Variants in DLGAP2 observed in about 807,000 individuals in gnomAD.
The protein encoded by DLGAP2 is DLG associated protein 2, also known as disks large-associated protein 2.
A neutral mutation model predicts 100.3 loss-of-function variants in DLGAP2; 26 were observed. The ratio of observed to expected loss-of-function variants is 0.26; its 90% CI spans 0.19 to 0.36. The LOEUF is 0.36. DLGAP2 is among the 10% of genes least tolerant of loss of function. The probability of loss-of-function intolerance (pLI) is 1.00; values close to 1 mark genes in which losing one functional copy is unlikely to be tolerated. For missense variants in DLGAP2, 1,858 were observed against 1,453.2 expected (o/e 1.28, Z -4.53); for synonymous variants, 886 against 630.1 (o/e 1.41, Z -6.08).
At chr8:1,252,334 G>A (rs565172271) in intron 2 of DLGAP2, among the ~76,000 whole-genome samples, 30 of 143,648 alleles carry the variant, frequency 2.1e-4, no homozygotes, top group African/African-American at 7.4e-4. Context: ...CCTGGGTCAC[G>A]GTGTCACAGT....
intron 1 of DLGAP2, among the ~76,000 whole-genome samples, chr8:776,298 C>T (rs1455362422): frequency 1.3e-5 from 2 of 152,018 alleles, no homozygotes; most frequent in African/African-American, 2.4e-5. Flanking sequence ...TTTCAAGAAA[C>T]CAGCTCCTGG....
intron 3 of DLGAP2, among the ~76,000 whole-genome samples, chr8:1,429,337 C>T (rs1047194844): frequency 2.0e-5 from 3 of 152,114 alleles, no homozygotes; most frequent in African/African-American, 7.2e-5. Flanking sequence ...AGTGCTGGGG[C>T]CATCCCAGCC....
Position 1,034,031 on chromosome 8 carries a change from A to ACACTCATCC in DLGAP2, c.73+126066_73+126067insACTCATCCC, listed in dbSNP as rs1410485309. 1.1e-4 allele frequency among the ~76,000 whole-genome samples: 14 copies of ACACTCATCC among 127,844 alleles called. 1 individual carries two copies. Among genetic ancestry groups the ACACTCATCC allele is most frequent in the Non-Finnish European group, 1.9e-4 (12 of 61,568 alleles). The allele number at this position is 127,844 out of a possible 152,430, so 83.9% of individuals were successfully genotyped here. A position where few individuals can be genotyped will look rare whatever the true frequency, so the allele number is the denominator to read the frequency against. ...CGCGTGTCACCGCGAGTGGATTCAC[A>ACACTCATCC]CGCTCATCCCGACCCCGCGTGTCAC... On this transcript the variant is annotated intron_variant, in intron 2 of 14. Transcript: ENST00000637795.
chr8:1,533,953 TA>T (rs1362407929), intron 4 of DLGAP2, among the ~76,000 whole-genome samples: 1 of 152,164 alleles, frequency 6.6e-6, no homozygotes, highest in East Asian at 1.9e-4. Context: ...AGACTTTATC[TA>T]AAAAAATAAA....
chr8:1,128,537 A>C (rs1287249454), intron 2 of DLGAP2, among the ~76,000 whole-genome samples: 1 of 152,216 alleles, frequency 6.6e-6, no homozygotes, highest in Non-Finnish European at 1.5e-5. Context: ...TGTGTAGCCC[A>C]GAAGCAACAA....
At chr8:1,505,117 C>T (rs879559948) in intron 4 of DLGAP2, among the ~76,000 whole-genome samples, 1 of 152,042 alleles carries the variant, frequency 6.6e-6, no homozygotes, top group South Asian at 2.1e-4. Context: ...TTTGTTTTTC[C>T]AAATTGAGTG....
intron 3 of DLGAP2, among the ~76,000 whole-genome samples, chr8:1,480,328 A>G (rs2130242070): frequency 6.6e-6 from 1 of 152,224 alleles, no homozygotes; most frequent in Admixed American, 6.5e-5. Flanking sequence ...GAGGAAGAGG[A>G]TGGGTGATGG....
At chr8:1,073,447 A>C (rs1354238684) in intron 2 of DLGAP2, among the ~76,000 whole-genome samples, 1 of 152,230 alleles carries the variant, frequency 6.6e-6, no homozygotes, top group East Asian at 1.9e-4. Flanking sequence ...CCTTGGAAAT[A>C]CAGACATGGA....
intron 3 of DLGAP2, among the ~76,000 whole-genome samples, chr8:1,442,621 C>T (rs1430677879): frequency 4.1e-5 from 6 of 147,504 alleles, no homozygotes; most frequent in East Asian, 4.1e-4. Context: ...GGCATAGACC[C>T]GCCAGGCTGA....
At chr8:879,346 G>C (rs931807291) in intron 1 of DLGAP2, among the ~76,000 whole-genome samples, 4 of 152,242 alleles carry the variant, frequency 2.6e-5, no homozygotes, top group African/African-American at 9.6e-5. Flanking sequence ...AAATGACACT[G>C]TCTGCTTGGG....
At chr8:1,107,438 G>A (rs1320057183) in intron 2 of DLGAP2, among the ~76,000 whole-genome samples, 4 of 152,326 alleles carry the variant, frequency 2.6e-5, no homozygotes, top group Admixed American at 6.5e-5. Flanking sequence ...CAAAGGAAGC[G>A]TCTGTGCACC....
At chr8:1,377,451 G>A (rs1285822113) in intron 3 of DLGAP2, among the ~76,000 whole-genome samples, 3 of 152,252 alleles carry the variant, frequency 2.0e-5, no homozygotes, top group African/African-American at 7.2e-5. Context: ...GGCTGAGACA[G>A]GATAATGGTG....
chr8:1,312,186 A>T (rs184304758), intron 3 of DLGAP2, among the ~76,000 whole-genome samples: 1 of 152,202 alleles, frequency 6.6e-6, no homozygotes, highest in East Asian at 1.9e-4. Context: ...CAACCTTTTC[A>T]TAAAAGTTAC....
At chr8:943,281 G>A (rs1280534757) in intron 2 of DLGAP2, among the ~76,000 whole-genome samples, 2 of 151,168 alleles carry the variant, frequency 1.3e-5, no homozygotes, top group Non-Finnish European at 2.9e-5. Flanking sequence ...TTGCCTTTCT[G>A]CACAGCGTGT....
intron 2 of DLGAP2, among the ~76,000 whole-genome samples, chr8:938,879 C>G (rs573841254): frequency 6.6e-6 from 1 of 152,344 alleles, no homozygotes; most frequent in South Asian, 2.1e-4. Context: ...CAGAAACTCC[C>G]AGGCCTCTGC....
chr8:789,842 T>C (rs574183881), intron 1 of DLGAP2, among the ~76,000 whole-genome samples: 2 of 152,322 alleles, frequency 1.3e-5, no homozygotes, highest in East Asian at 3.9e-4. Context: ...AGTGTGGACC[T>C]GGACAAGTGG....
chr8:1,574,538 C>T (rs143098813), intron 6 of DLGAP2, among the ~76,000 whole-genome samples: 2 of 152,306 alleles, frequency 1.3e-5, no homozygotes, highest in South Asian at 2.1e-4. Context: ...TCACCTCCCT[C>T]GGTGATGAGT....
At chr8:1,392,391 C>A (rs1049242638) in intron 3 of DLGAP2, among the ~76,000 whole-genome samples, 2 of 152,120 alleles carry the variant, frequency 1.3e-5, no homozygotes, top group African/African-American at 4.8e-5. Flanking sequence ...CATCAACTCG[C>A]GGCACTCGGG....
At chr8:1,007,283 T>C (rs900746919) in intron 2 of DLGAP2, among the ~76,000 whole-genome samples, 1 of 152,224 alleles carries the variant, frequency 6.6e-6, no homozygotes, top group Non-Finnish European at 1.5e-5. Flanking sequence ...ACTGCTGTGA[T>C]TTCCTGGAGG....
Sources: allele counts gnomAD v4.1 joint callset (sites outside exome capture counted in the v4.1 genomes callset), GRCh38; gene constraint gnomAD v4.1.1; transcripts MANE v1.5; gene names NCBI Gene and HGNC (gene_info 2026-07-23, HGNC 2026-07-21).